The following FANCI variants were observed in gnomAD, a reference collection of about 807,000 sequenced individuals.
FANCI encodes the protein Fanconi anemia group I protein.
Under a neutral mutation model 176.1 loss-of-function variants are expected in FANCI, and 156 were observed. The observed-to-expected ratio is 0.89, with a 90% CI of 0.78 to 1.01. The LOEUF (loss-of-function observed/expected upper bound fraction) is 1.01. Among genes scored for constraint, FANCI ranks in the 50% least tolerant of loss-of-function variants. FANCI has a pLI of 0.00. For missense variants in FANCI, 1,678 were observed against 1,534.1 expected (o/e 1.09, Z -1.57); for synonymous variants, 613 against 541.7 (o/e 1.13, Z -1.83).
In FANCI at chr15:89,263,958, A is replaced by C. The variant is rs774564150; in HGVS notation, c.601A>C (p.Met201Leu). ...ATTTGTGGTGGAAAAAGCATTGAGC[A>C]TGTTCTCCAAGATGAATCTTCAAGA... ...VEFVVEKALS[M>L]FSKMNLQEIP... Residue 201 changes from methionine (M) to leucine (L), a missense_variant, in exon 8 of 38, where the codon ATG becomes CTG. By Grantham distance (15) the Met-to-Leu change is conservative (BLOSUM62 2). Around this residue, in one of 3 missense-constraint regions of FANCI, gnomAD observed 469 missense variants for 436.9 expected, o/e 1.07. Transcript: ENST00000310775. 21 of 1,613,986 alleles carry C rather than the reference A, an allele frequency of 1.3e-5. No homozygotes were observed. Among genetic ancestry groups the C allele is most frequent in the Non-Finnish European group, 1.8e-5 (21 of 1,179,958 alleles).
intron 26 of FANCI, 61 bp from the exon 27 acceptor site, chr15:89,301,265 C>T: frequency 2.7e-6 from 3 of 1,120,022 alleles, no homozygotes; most frequent in Non-Finnish European, 4.1e-6. Flanking sequence ...CTAGATGCCT[C>T]TTCTTCCTGA....
chr15:89,309,527 C>G (rs2054871247), intron 34 of FANCI, among the ~76,000 whole-genome samples: 1 of 152,034 alleles, frequency 6.6e-6, no homozygotes, highest in Non-Finnish European at 1.5e-5. Flanking sequence ...GCCAGGAGTT[C>G]AAGACCAGCC....
rs2054197215 is a variant in FANCI at position 89,294,940 on chromosome 15, A to G, written c.2482A>G (p.Ser828Gly). 2 of 1,552,120 alleles carry G rather than the reference A, an allele frequency of 1.3e-6. No individual in the cohort carries two copies. The highest frequency in any genetic ancestry group is 1.4e-5 in the African/African-American group (1 of 73,022). ...GGATAGTATCCAAAGCCACCAAGAA[A>G]GCCTTTCTGTTCTCAGGTCCAGCAA... ...FRDSIQSHQE[S>G]LSVLRSSNEF... Residue 828 changes from serine (S) to glycine (G), a missense_variant, in exon 24 of 38, where the codon AGC (serine) becomes GGC (glycine). This residue lies in a region of FANCI where 1,204 missense variants were observed against 1,077.4 expected (regional missense o/e 1.12). Transcript: ENST00000310775.
chr15:89,301,058 T>C (rs902261833), intron 26 of FANCI, among the ~76,000 whole-genome samples: 2 of 152,164 alleles, frequency 1.3e-5, no homozygotes, highest in African/African-American at 4.8e-5. Flanking sequence ...CACCAGAAAT[T>C]GGGTACATAG....
At chr15:89,278,625 ATTGATATAC>A in intron 13 of FANCI, 53 bp from the exon 14 acceptor site, 1 of 1,229,442 alleles carries the variant, frequency 8.1e-7, no homozygotes, top group South Asian at 1.2e-5. Context: ...CCTGACATGC[ATTGATATAC>A]TTAAAAGCTG....
intron 24 of FANCI, among the ~76,000 whole-genome samples, chr15:89,297,699 C>T (rs7181060): frequency 0.33 from 47,708 of 146,184 alleles, 8,601 homozygotes; most frequent in Non-Finnish European, 0.39. Context: ...GAGATGGCAG[C>T]AGTACAGTCC....
rs770190680 is a variant in FANCI at position 89,315,296 on chromosome 15, G to C, written c.3831G>C (p.Gln1277His). The C allele has an allele frequency of 4.3e-6, 7 of 1,613,126 alleles. No homozygotes were observed. In the African/African-American group the frequency reaches 9.3e-5, roughly 22 times the overall value. ...TCTTGTCATAGGTGAACCTGATGCA[G>C]CACATGAAGCTCAGCACCTCACGAG... ...LSKKSKVNLM[Q>H]HMKLSTSRDF... Residue 1277 changes from glutamine (Q) to histidine (H), a missense_variant, in exon 37 of 38, where the codon CAG becomes CAC. By Grantham distance (24) the Gln-to-His change is conservative. This residue lies in a region of FANCI where 1,204 missense variants were observed against 1,077.4 expected (regional missense o/e 1.12). Transcript: ENST00000310775.
Position 89,258,643 on chromosome 15 carries a change from G to T in FANCI, c.85-61G>T, listed in dbSNP as rs532572261. 4.0e-6 allele frequency: 5 copies of T among 1,240,626 alleles called. No homozygotes were observed. The African/African-American group carries it at 5.9e-5, about 15-fold the overall frequency. 76.9% of individuals were successfully genotyped at this position (1,240,626 alleles called of 1,614,324 possible). A position where few individuals can be genotyped will look rare whatever the true frequency, so the allele number is the denominator to read the frequency against. ...AGAAGAGTACTTTTTCATATTGAGTGTTTAGGTCATTGGGGTAAAAGACTG... is the reference window on the plus strand; with the variant it reads ...AGAAGAGTACTTTTTCATATTGAGTTTTTAGGTCATTGGGGTAAAAGACTG... On this transcript the variant is annotated intron_variant, in intron 2 of 37. Transcript: ENST00000310775.
At position 89,268,420 on chromosome 15, in the gene FANCI, G is replaced by T. The variant is rs760291695; in HGVS notation, c.777G>T (p.Val259=). Residue 259 remains valine (V), a synonymous_variant, in exon 10 of 38, where the codon GTG becomes GTT. Coordinates refer to ENST00000310775, the MANE Select transcript of FANCI (RefSeq NM_001113378.2). The stretch of plus-strand genomic sequence containing the variant: ...TTAGGCTATTGGATGTTGTCACTGT[G>T]CCATCAGGTGAACTTCGTCATGTGG... The part of the protein sequence containing the change: ...SGDELLDVVT[V]PSGELRHVEG... 1.2e-6 allele frequency: 2 copies of T among 1,614,140 alleles called. No individual in the cohort carries two copies. The highest frequency in any genetic ancestry group is 4.5e-5 in the East Asian group (2 of 44,882).
rs201635497 is a variant in FANCI at position 89,300,796 on chromosome 15, G to GT, written c.2889+417dup. 2.7e-3 allele frequency among the ~76,000 whole-genome samples: 411 copies of GT among 152,316 alleles called. 8 individuals are homozygous for GT. The highest frequency in any genetic ancestry group is 0.015 in the East Asian group (78 of 5,184). ...AATATCAGGATGTTCTATCACAGGA[G>GT]TTTTTTATTTAACAAGTAATTCTGA... is the stretch of plus-strand genomic sequence containing the variant. On this transcript the variant is annotated intron_variant, in intron 26 of 37. Coordinates refer to ENST00000310775, the MANE Select transcript of FANCI (RefSeq NM_001113378.2).
At chr15:89,275,086 T>C (rs73468705) in intron 12 of FANCI, among the ~76,000 whole-genome samples, 5,301 of 145,980 alleles carry the variant, frequency 0.036, 244 homozygotes, top group African/African-American at 0.12. Context: ...CTTTCTTCTT[T>C]TTTTTTTTTT....
At chr15:89,290,871 T>G (rs1197837805) in intron 19 of FANCI, among the ~76,000 whole-genome samples, 2 of 152,218 alleles carry the variant, frequency 1.3e-5, no homozygotes, top group African/African-American at 4.8e-5. Flanking sequence ...AGGTCTCAGA[T>G]GTGTGAAATT....
chr15:89,282,892 G>T, intron 16 of FANCI: 1 of 492,350 alleles, frequency 2.0e-6, no homozygotes, highest in South Asian at 2.1e-5. Flanking sequence ...AGACTTGAGA[G>T]CAGGATAGAA....
At chr15:89,312,816 TAAAAAAAA>T in intron 34 of FANCI, 80 bp from the exon 35 acceptor site, 8 of 864,268 alleles carry the variant, frequency 9.3e-6, no homozygotes, top group Admixed American at 8.3e-5. Context: ...AGCTCTGTCT[TAAAAAAAA>T]AAAAAAAAAA....
rs548479626 is a variant in FANCI at position 89,265,235 on chromosome 15, T to C, written c.755+628T>C. Among the ~76,000 whole-genome samples, 7 of 152,206 alleles carry C rather than the reference T, an allele frequency of 4.6e-5. No individual in the cohort carries two copies. The South Asian group carries it at 8.3e-4, about 18-fold the overall frequency. On this transcript the variant is annotated intron_variant, in intron 9 of 37. Coordinates refer to ENST00000310775, the MANE Select transcript of FANCI (RefSeq NM_001113378.2). ...ATTTTGTTTTGTTTTTGAGACAGAG[T>C]GTAGCTCTGTGGCCCAGGCTGGAGT... is the stretch of plus-strand genomic sequence containing the variant.
In FANCI at chr15:89,276,899, A is replaced by G. The variant is rs774239404; in HGVS notation, c.1293+8A>G. ...CTGTTGGAAACTTTTAAGGTGAGAC[A>G]CTATTTTGGCAACCACTCCCTAATT... On this transcript the variant is annotated splice_region_variant and intron_variant, in intron 13 of 37. Coordinates refer to ENST00000310775, the MANE Select transcript of FANCI (RefSeq NM_001113378.2). 6.2e-6 allele frequency: 10 copies of G among 1,614,150 alleles called. No individual in the cohort carries two copies. The East Asian group carries it at 1.6e-4, about 25-fold the overall frequency.
chr15:89,316,462 G>T lies in FANCI; in HGVS notation c.*3G>T, dbSNP rs775569901. On this transcript the variant is annotated 3_prime_UTR_variant, in exon 38 of 38. Coordinates refer to ENST00000310775, the MANE Select transcript of FANCI (RefSeq NM_001113378.2). ...CCAAGAAGAAAAGGAAAAAATAAATGAAATGCCTGAGTTAATGTGAACTTT... is the reference window on the plus strand; with the variant it reads ...CCAAGAAGAAAAGGAAAAAATAAATTAAATGCCTGAGTTAATGTGAACTTT... 8 of 1,607,694 alleles carry T rather than the reference G, an allele frequency of 5.0e-6. No individual in the cohort carries two copies. Among genetic ancestry groups the T allele is most frequent in the Non-Finnish European group, 6.8e-6 (8 of 1,176,350 alleles).
At chr15:89,315,243 T>C (rs1410709967) in intron 36 of FANCI, 39 bp from the exon 37 acceptor site, 5 of 1,466,142 alleles carry the variant, frequency 3.4e-6, no homozygotes, top group Admixed American at 1.7e-5. Flanking sequence ...GCAGGACCTA[T>C]GAGTAGGGAG....
At chr15:89,305,468 TGTGAA>T in intron 30 of FANCI, 59 bp downstream of exon 30, 1 of 1,611,718 alleles carries the variant, frequency 6.2e-7, no homozygotes, top group Non-Finnish European at 8.5e-7. Flanking sequence ...TTCTACTCCA[TGTGAA>T]GTGACTTGTG....
Sources: gnomAD v4.1 joint callset for allele counts (sites outside exome capture counted in the v4.1 genomes callset) on GRCh38, gnomAD v4.1.1 for gene constraint, gnomAD v4.1.1 regional missense constraint, MANE v1.5 for transcripts, NCBI Gene and HGNC (gene_info 2026-07-23, HGNC 2026-07-21) for gene names.